Variants in FHOD3 observed in about 807,000 individuals in gnomAD.
FHOD3 encodes the protein formin homology 2 domain containing 3.
In FHOD3, 90 loss-of-function variants were observed where a neutral mutation model predicts 173.0. That is an observed-to-expected ratio of 0.52 (90% CI 0.44 to 0.62). The LOEUF is 0.62. Among genes scored for constraint, FHOD3 ranks in the 20% least tolerant of loss-of-function variants. The pLI is 0.00. For missense variants in FHOD3, 1,945 were observed against 2,034.7 expected (o/e 0.96, Z 0.85); for synonymous variants, 828 against 823.0 (o/e 1.01, Z -0.10).
Position 36,699,826 on chromosome 18 carries a change from G to T in FHOD3, c.2236+6403G>T, listed in dbSNP as rs115469518. On this transcript the variant is annotated intron_variant, in intron 17 of 28. Coordinates refer to ENST00000590592, the MANE Select transcript of FHOD3 (RefSeq NM_001281740.3). Reference sequence around the variant, plus strand: ...GTGTGTTTCATCTGCCTCTGGGCATGATATGCATCTTTGGAGCCTTTTGAA... The same window carrying T: ...GTGTGTTTCATCTGCCTCTGGGCATTATATGCATCTTTGGAGCCTTTTGAA... 4.2e-3 allele frequency among the ~76,000 whole-genome samples: 640 copies of T among 152,302 alleles called. 8 individuals are homozygous for T. The highest frequency in any genetic ancestry group is 0.015 in the African/African-American group (605 of 41,554).
intron 14 of FHOD3, among the ~76,000 whole-genome samples, chr18:36,674,587 A>G (rs2037729791): frequency 6.6e-6 from 1 of 152,088 alleles, no homozygotes. Context: ...TGGACTTTAA[A>G]TTCCCTTTGT....
rs191639944 is a variant in FHOD3 at position 36,491,594 on chromosome 18, A to G, written c.338-10338A>G. Among the ~76,000 whole-genome samples, 9 of 152,252 alleles carry G rather than the reference A, an allele frequency of 5.9e-5. No individual in the cohort carries two copies. In the East Asian group the frequency reaches 1.4e-3, roughly 23 times the overall value. On this transcript the variant is annotated intron_variant, in intron 3 of 28. Coordinates refer to ENST00000590592, the MANE Select transcript of FHOD3 (RefSeq NM_001281740.3). ...TCCTTCCCTCCCTCCTCCAAACCCC[A>G]GGCAACCACTGATCTTTTTACAGTC...
chr18:36,337,236 C>T (rs1478926177), intron 1 of FHOD3, among the ~76,000 whole-genome samples: 2 of 151,646 alleles, frequency 1.3e-5, no homozygotes, highest in African/African-American at 4.8e-5. Flanking sequence ...CACAAATGAG[C>T]TAACTTGGAA....
chr18:36,668,260 T>C (rs2037309310), intron 14 of FHOD3, among the ~76,000 whole-genome samples: 1 of 152,138 alleles, frequency 6.6e-6, no homozygotes, highest in African/African-American at 2.4e-5. Flanking sequence ...AGATTTGTCT[T>C]TCAAGAAATT....
chr18:36,536,637 C>A (rs1314735500), intron 5 of FHOD3, among the ~76,000 whole-genome samples: 2 of 152,198 alleles, frequency 1.3e-5, no homozygotes, highest in African/African-American at 4.8e-5. Flanking sequence ...CAGAGGCTCC[C>A]CACTGAGGCA....
chr18:36,633,809 T>C (rs906662024), intron 10 of FHOD3, among the ~76,000 whole-genome samples: 2 of 152,208 alleles, frequency 1.3e-5, no homozygotes, highest in African/African-American at 2.4e-5. Context: ...GTAATCTTAG[T>C]GAGCTGTATT....
chr18:36,441,430 G>A (rs2051142716), intron 3 of FHOD3, among the ~76,000 whole-genome samples: 1 of 152,182 alleles, frequency 6.6e-6, no homozygotes, highest in Non-Finnish European at 1.5e-5. Flanking sequence ...TAGAGGATGA[G>A]GACGAGGCTG....
intron 3 of FHOD3, among the ~76,000 whole-genome samples, chr18:36,412,957 A>G (rs1486107553): frequency 1.3e-5 from 2 of 152,220 alleles, no homozygotes; most frequent in Non-Finnish European, 2.9e-5. Flanking sequence ...GAGCCTTCAC[A>G]GGGCCACTGC....
chr18:36,527,103 C>T (rs969901157), intron 5 of FHOD3, among the ~76,000 whole-genome samples: 21 of 152,150 alleles, frequency 1.4e-4, no homozygotes, highest in African/African-American at 4.8e-4. Context: ...GAACACTGGC[C>T]GGCTGGCTGT....
At chr18:36,380,278 A>G (rs1266008911) in intron 3 of FHOD3, among the ~76,000 whole-genome samples, 1 of 152,202 alleles carries the variant, frequency 6.6e-6, no homozygotes, top group Non-Finnish European at 1.5e-5. Flanking sequence ...AACAGATTCT[A>G]TTAATTGTTC....
At chr18:36,466,083 C>T (rs2052909888) in intron 3 of FHOD3, among the ~76,000 whole-genome samples, 1 of 152,150 alleles carries the variant, frequency 6.6e-6, no homozygotes, top group Non-Finnish European at 1.5e-5. Flanking sequence ...GTGATCCTGA[C>T]ATTACTGAAT....
At chr18:36,460,190 C>T (rs2052468477) in intron 3 of FHOD3, among the ~76,000 whole-genome samples, 2 of 152,088 alleles carry the variant, frequency 1.3e-5, no homozygotes, top group African/African-American at 4.8e-5. Context: ...GTCAGACTGT[C>T]CCCCACTGTT....
At chr18:36,745,411 C>T (rs147273526) in intron 23 of FHOD3, among the ~76,000 whole-genome samples, 1 of 152,336 alleles carries the variant, frequency 6.6e-6, no homozygotes, top group East Asian at 1.9e-4. Context: ...CCTTCTCTTT[C>T]TGATGCAATA....
Position 36,625,691 on chromosome 18 carries a change from C to A in FHOD3, c.1138C>A (p.Pro380Thr), listed in dbSNP as rs761081168. The A allele has an allele frequency of 3.1e-6, 5 of 1,611,044 alleles. No homozygotes were observed. The East Asian group carries it at 6.7e-5, about 22-fold the overall frequency. The change falls in exon 10 of 29, where the codon CCC becomes ACC. Residue 380 changes from proline to threonine, a missense_variant. Transcript: ENST00000590592. Reference sequence around the variant, plus strand: ...GAGCACCCTGTCGGCCCCCACCAGTCCCTGCTCCCAGTCAGCTCCCAGCTT... The same window carrying A: ...GAGCACCCTGTCGGCCCCCACCAGTACCTGCTCCCAGTCAGCTCCCAGCTT... ...IKSTLSAPTS[P>T]CSQSAPSFKP...
chr18:36,440,777 A>G (rs1202651373), intron 3 of FHOD3, among the ~76,000 whole-genome samples: 1 of 152,240 alleles, frequency 6.6e-6, no homozygotes, highest in Non-Finnish European at 1.5e-5. Flanking sequence ...TCATTTTTAA[A>G]TGGCTCAGTA....
At chr18:36,665,802 C>T (rs113636523) in intron 14 of FHOD3, among the ~76,000 whole-genome samples, 12 of 152,222 alleles carry the variant, frequency 7.9e-5, no homozygotes, top group African/African-American at 2.9e-4. Context: ...GCCAGCAAGG[C>T]CTGGGAGCCA....
At chr18:36,447,557 T>A (rs1353366474) in intron 3 of FHOD3, among the ~76,000 whole-genome samples, 1 of 152,202 alleles carries the variant, frequency 6.6e-6, no homozygotes, top group Admixed American at 6.5e-5. Flanking sequence ...GAACTTTGTG[T>A]GGTGTGGACC....
chr18:36,578,032 A>G (rs1168944990), intron 6 of FHOD3, among the ~76,000 whole-genome samples: 2 of 152,180 alleles, frequency 1.3e-5, no homozygotes, highest in East Asian at 1.9e-4. Flanking sequence ...AGTGGGCAAC[A>G]TGGTCAGATG....
rs546606928 is a variant in FHOD3 at position 36,746,366 on chromosome 18, G to A, written c.4042-579G>A. ...GGAAGTTGTCTTATTCAGCATTTGT[G>A]TTTATGTTCAATGCCTGGCTTAGAG... On this transcript the variant is annotated intron_variant, in intron 23 of 28. Transcript: ENST00000590592. Among the ~76,000 whole-genome samples the A allele has an allele frequency of 2.6e-5, 4 of 152,300 alleles. No homozygotes were observed. In the East Asian group the frequency reaches 7.7e-4, roughly 29 times the overall value.
Sources: gnomAD v4.1 joint callset for allele counts (sites outside exome capture counted in the v4.1 genomes callset) on GRCh38, gnomAD v4.1.1 for gene constraint, MANE v1.5 for transcripts, NCBI Gene and HGNC (gene_info 2026-07-23, HGNC 2026-07-21) for gene names.